The following L3MBTL2 variants were observed in gnomAD, a reference collection of about 807,000 sequenced individuals.
L3MBTL2 encodes the protein L3MBTL histone methyl-lysine binding protein 2, also known as lethal(3)malignant brain tumor-like protein 2.
A neutral mutation model predicts 86.4 loss-of-function variants in L3MBTL2; 49 were observed. That is an observed-to-expected ratio of 0.57 (90% CI 0.45 to 0.72). The LOEUF is 0.72. L3MBTL2 is among the 30% of genes least tolerant of loss of function. The pLI is 0.00. For synonymous variants in L3MBTL2, 336 were observed against 350.6 expected, an observed-to-expected ratio of 0.96 and a Z score of 0.47; for missense variants, 755 against 923.7, an observed-to-expected ratio of 0.82 and a Z score of 2.37.
intron 3 of L3MBTL2, among the ~76,000 whole-genome samples, chr22:41,215,518 G>A (rs897577744): frequency 2.0e-5 from 3 of 152,140 alleles, no homozygotes; most frequent in African/African-American, 7.2e-5. Context: ...GTAAATTCCT[G>A]GCCTTCCTGT....
chr22:41,213,802 A>T, intron 2 of L3MBTL2, 91 bp from the exon 3 acceptor site: 1 of 1,416,556 alleles, frequency 7.1e-7, no homozygotes, highest in Non-Finnish European at 9.9e-7. Flanking sequence ...TCACCTGGTT[A>T]ATGCAGTGCC....
Position 41,209,106 on chromosome 22 carries a change from C to CT in L3MBTL2, c.25-575dup, listed in dbSNP as rs67934576. On this transcript the variant is annotated intron_variant, in intron 1 of 16. Transcript: ENST00000216237. ...TTGTGAAGTACCTTAGGATATTTCACTTTTTTTTTTTTTTTGAGATGGAGT... is the reference window on the plus strand; with the variant it reads ...TTGTGAAGTACCTTAGGATATTTCACTTTTTTTTTTTTTTTTGAGATGGAGT... The CT allele has an allele frequency of 6.1e-3, 844 of 137,782 alleles. 1 individual carries two copies. The highest frequency in any genetic ancestry group is 0.013 in the African/African-American group (503 of 37,604). The allele number at this position is 137,782 out of a possible 1,614,324, so 8.5% of individuals were successfully genotyped here.
chr22:41,207,995 C>A (rs1013474811), intron 1 of L3MBTL2, among the ~76,000 whole-genome samples: 1 of 152,010 alleles, frequency 6.6e-6, no homozygotes, highest in Non-Finnish European at 1.5e-5. Context: ...TCATGCCCAG[C>A]TATTTTTTGT....
At chr22:41,207,940 T>A (rs1315989709) in intron 1 of L3MBTL2, among the ~76,000 whole-genome samples, 1 of 151,956 alleles carries the variant, frequency 6.6e-6, no homozygotes, top group Non-Finnish European at 1.5e-5. Flanking sequence ...CAAGTGATTC[T>A]CCTGCCTCAG....
At chr22:41,229,257 A>C (rs2032411552) in intron 15 of L3MBTL2, among the ~76,000 whole-genome samples, 1 of 152,172 alleles carries the variant, frequency 6.6e-6, no homozygotes, top group Non-Finnish European at 1.5e-5. Flanking sequence ...ACCCTCTTCA[A>C]AAAATCTTTT....
In L3MBTL2 at chr22:41,219,487, T is replaced by G; in HGVS notation, c.669T>G (p.Ala223=). 6.2e-7 allele frequency: 1 copy of G among 1,614,002 alleles called. No individual in the cohort carries two copies. The highest frequency in any genetic ancestry group is 8.5e-7 in the Non-Finnish European group (1 of 1,179,906). The change falls in exon 6 of 17, where the codon GCT becomes GCG. Residue 223 remains alanine, a synonymous_variant. Transcript: ENST00000216237. ...AGGTGGAGGTGCTCAACAGTGATGC[T>G]GTGCTCCCCAGCCGGGTGTACTGGA... ...GMKVEVLNSD[A]VLPSRVYWIA... is the part of the protein sequence containing the mutation.
At chr22:41,221,538 G>T (rs1271523044) in intron 8 of L3MBTL2, among the ~76,000 whole-genome samples, 1 of 152,206 alleles carries the variant, frequency 6.6e-6, no homozygotes, top group East Asian at 1.9e-4. Flanking sequence ...TCTGCCTTTT[G>T]CTCTTCCGGA....
At chr22:41,210,143 CTTTTTTT>C (rs869292228) in intron 2 of L3MBTL2, 7 of 162,880 alleles carry the variant, frequency 4.3e-5, no homozygotes, top group East Asian at 1.5e-4. Context: ...AGTCTAATTT[CTTTTTTT>C]TTTTTTTTTT....
In L3MBTL2 at chr22:41,225,717, T is replaced by C; in HGVS notation, c.1357-77T>C. On this transcript the variant is annotated intron_variant, in intron 11 of 16. Transcript: ENST00000216237. The surrounding 1 kb of genome is among the most constrained non-coding windows in gnomAD (Gnocchi z 4.1). ...TTTGGATCCATTTGCCTCGTGTCCC[T>C]ATTGGGGTGCGGTACCAACCCAGGA... 6.7e-7 allele frequency: 1 copy of C among 1,496,846 alleles called. No individual in the cohort carries two copies. Among genetic ancestry groups the C allele is most frequent in the Non-Finnish European group, 9.1e-7 (1 of 1,097,484 alleles). The allele number at this position is 1,496,846 out of a possible 1,614,324, so 92.7% of individuals were successfully genotyped here. A position where few individuals can be genotyped will look rare whatever the true frequency, so the allele number is the denominator to read the frequency against.
chr22:41,216,853 TG>T (rs1215097574), intron 4 of L3MBTL2, among the ~76,000 whole-genome samples: 1 of 152,180 alleles, frequency 6.6e-6, no homozygotes, highest in East Asian at 1.9e-4. Context: ...TTTTCCCCTT[TG>T]GGGGAAGAAG....
rs201967099 is a variant in L3MBTL2, at chr22:41,216,271, G to A, written c.520+9G>A. On this transcript the variant is annotated intron_variant, in intron 4 of 16. Coordinates refer to ENST00000216237, the MANE Select transcript of L3MBTL2 (RefSeq NM_031488.5). ...ACCAACAGGACAAGACGGTAAGATA[G>A]CAGAGGGCCCTGCTTAGGAAGCTGC... 11 of 1,611,348 alleles carry A rather than the reference G, an allele frequency of 6.8e-6. No homozygotes were observed. In the East Asian group the frequency reaches 2.0e-4, roughly 29 times the overall value.
Position 41,227,243 on chromosome 22 carries a change from T to A in L3MBTL2, c.1742T>A (p.Val581Glu). ...TGGGACAGCGAGTACGACCAGTGGG[T>A]GGACTGCGAGTCCCCAGACATCTAC... ...DGWDSEYDQW[V>E]DCESPDIYPV... The change falls in exon 14 of 17, where the codon GTG (valine) becomes GAG (glutamate). Residue 581 changes from valine to glutamate, a missense_variant. Val to Glu is a moderately radical substitution (Grantham distance 121). Coordinates refer to ENST00000216237, the MANE Select transcript of L3MBTL2 (RefSeq NM_031488.5). The surrounding 1 kb of genome is among the most constrained non-coding windows in gnomAD (Gnocchi z 6.0). 6.2e-7 allele frequency: 1 copy of A among 1,613,106 alleles called. No homozygotes were observed.
intron 8 of L3MBTL2, 45 bp downstream of exon 8, chr22:41,221,332 AT>A (rs1467740062): frequency 9.5e-6 from 14 of 1,472,386 alleles, no homozygotes; most frequent in Non-Finnish European, 1.3e-5. Context: ...CCGCTCTTCC[AT>A]TTTTCTGCAT....
At chr22:41,218,107 T>A (rs1201694964) in intron 5 of L3MBTL2, 1 of 152,250 alleles carries the variant, frequency 6.6e-6, no homozygotes, top group Non-Finnish European at 1.5e-5. Context: ...AGCCTGCCCC[T>A]GCGTGCCTGG....
intron 2 of L3MBTL2, chr22:41,213,692 G>A: frequency 1.9e-6 from 1 of 530,686 alleles, no homozygotes; most frequent in Non-Finnish European, 3.3e-6. Context: ...GTAGCCAAGG[G>A]AGGCCAAGCA....
chr22:41,219,546 TGGCCAGGGCAG>T lies in L3MBTL2; in HGVS notation c.718+19_718+29del. 1 of 1,582,490 alleles carries T rather than the reference TGGCCAGGGCAG, an allele frequency of 6.3e-7. No individual in the cohort carries two copies. Among genetic ancestry groups the T allele is most frequent in the Non-Finnish European group, 8.7e-7 (1 of 1,151,624 alleles). On this transcript the variant is annotated intron_variant, in intron 6 of 16. Coordinates refer to ENST00000216237, the MANE Select transcript of L3MBTL2 (RefSeq NM_031488.5). ...GTCATCCAGACAGCAGGTGAGTGTT[TGGCCAGGGCAG>T]GGCCAGGGATGTGTCTGCAGAGTGA...
chr22:41,229,761 T>C lies in L3MBTL2; in HGVS notation c.2005+105T>C, dbSNP rs549536750. On this transcript the variant is annotated intron_variant, in intron 16 of 16. Transcript: ENST00000216237. ...CACAGAAGAGTAGAGTCAGGTTTCTTTGGCATTTTCTGGGCACCAAGCAGT... is the reference window on the plus strand; with the variant it reads ...CACAGAAGAGTAGAGTCAGGTTTCTCTGGCATTTTCTGGGCACCAAGCAGT... The C allele has an allele frequency of 3.1e-6, 5 of 1,590,534 alleles. No homozygotes were observed. In the African/African-American group the frequency reaches 6.7e-5, roughly 21 times the overall value.
chr22:41,226,869 AG>A (rs2032219133), intron 13 of L3MBTL2, 125 bp downstream of exon 13: 1 of 798,194 alleles, frequency 1.3e-6, no homozygotes, highest in Non-Finnish European at 2.0e-6. Context: ...AGCCACTTTC[AG>A]GGGGAAGTCC....
chr22:41,225,091 TC>T lies in L3MBTL2; in HGVS notation c.1356+22del, dbSNP rs1165316910. 1.9e-6 allele frequency: 3 copies of T among 1,593,120 alleles called. No individual in the cohort carries two copies. Among genetic ancestry groups the T allele is most frequent in the Non-Finnish European group, 2.6e-6 (3 of 1,164,492 alleles). ...TGTAAGGTGAGCCAGGGGCCGGCTC[TC>T]CAGCCTCCAGATTTCTGAGCGGGGG... On this transcript the variant is annotated intron_variant, in intron 11 of 16. Coordinates refer to ENST00000216237, the MANE Select transcript of L3MBTL2 (RefSeq NM_031488.5). The surrounding 1 kb of genome is among the most constrained non-coding windows in gnomAD (Gnocchi z 4.1).
Sources: gnomAD v4.1 joint callset for allele counts (sites outside exome capture counted in the v4.1 genomes callset) on GRCh38, gnomAD v4.1.1 for gene constraint, Gnocchi (gnomAD v3.1) non-coding constraint, MANE v1.5 for transcripts, NCBI Gene and HGNC (gene_info 2026-07-23, HGNC 2026-07-21) for gene names.